Variants in TMEM39A observed in about 807,000 individuals in gnomAD.
TMEM39A encodes suppressor of SQST-1 aggregates in rpl-43 mutants.
In TMEM39A, 19 loss-of-function variants were observed where a neutral mutation model predicts 51.9. The ratio of observed to expected loss-of-function variants is 0.37; its 90% confidence interval spans 0.26 to 0.54. The LOEUF (loss-of-function observed/expected upper bound fraction) is 0.54. TMEM39A is among the 20% of genes least tolerant of loss of function. The pLI is 0.88. For missense variants in TMEM39A, 433 were observed against 590.5 expected (o/e 0.73, Z 2.76); for synonymous variants, 197 against 220.2 (o/e 0.89, Z 0.93).
At chr3:119,440,901 T>G (rs184990804) in intron 5 of TMEM39A, among the ~76,000 whole-genome samples, 4 of 152,286 alleles carry the variant, frequency 2.6e-5, no homozygotes, top group Admixed American at 2.6e-4. Flanking sequence ...TTTTCCAAAG[T>G]GCTCACTTTG....
At chr3:119,432,706 C>G (rs1423859679) in intron 8 of TMEM39A, among the ~76,000 whole-genome samples, 1 of 152,068 alleles carries the variant, frequency 6.6e-6, no homozygotes, top group Non-Finnish European at 1.5e-5. Flanking sequence ...CAACACTAGA[C>G]AAGTTTGGGG....
chr3:119,446,867 T>C, intron 5 of TMEM39A, 151 bp downstream of exon 5: 2 of 917,416 alleles, frequency 2.2e-6, no homozygotes, highest in East Asian at 5.4e-5. Context: ...GAAAACAAAT[T>C]ATATGTTCAC....
chr3:119,443,087 A>C (rs11709523), intron 5 of TMEM39A, among the ~76,000 whole-genome samples: 20,711 of 133,098 alleles, frequency 0.16, 1,945 homozygotes, highest in East Asian at 0.27. Context: ...AAAAAAAAAA[A>C]GTGAAGCCTG....
At chr3:119,463,280 G>A (rs2081363839) in intron 1 of TMEM39A, 56 bp downstream of exon 1, 2 of 296,218 alleles carry the variant, frequency 6.8e-6, no homozygotes, top group African/African-American at 2.2e-5. Flanking sequence ...GCACACCCAA[G>A]AGGGCCGAGG....
chr3:119,433,385 A>C lies in TMEM39A; in HGVS notation c.1234-1171T>G, dbSNP rs369121873. 2.6e-5 allele frequency among the ~76,000 whole-genome samples: 4 copies of C among 152,260 alleles called. No individual in the cohort carries two copies. The South Asian group carries it at 6.2e-4, about 24-fold the overall frequency. ...TCAGAAGTCTGATATAGGGGCCCTG[A>C]ATCACTTTTTAAAAATAGTGGGCCA... On this transcript the variant is annotated intron_variant, in intron 8 of 8. Coordinates refer to ENST00000319172, the MANE Select transcript of TMEM39A (RefSeq NM_018266.3).
chr3:119,457,082 G>A (rs890264531), intron 3 of TMEM39A, among the ~76,000 whole-genome samples: 7 of 150,878 alleles, frequency 4.6e-5, no homozygotes, highest in South Asian at 4.2e-4. Context: ...GCCATTCTCC[G>A]GCCTCAGCCT....
chr3:119,460,019 C>T (rs142454458), intron 2 of TMEM39A, among the ~76,000 whole-genome samples: 28 of 152,150 alleles, frequency 1.8e-4, no homozygotes, highest in African/African-American at 6.7e-4. Flanking sequence ...CAGCTGCTTG[C>T]TTCCCACCAA....
At position 119,436,993 on chromosome 3, in the gene TMEM39A, A is replaced by G. The variant is rs182283949; in HGVS notation, c.925-15T>C. The G allele has an allele frequency of 2.4e-5, 39 of 1,603,162 alleles. No homozygotes were observed. In the Admixed American group the frequency reaches 3.2e-4, roughly 13 times the overall value. On this transcript the variant is annotated splice_polypyrimidine_tract_variant and intron_variant, in intron 6 of 8. Coordinates refer to ENST00000319172, the MANE Select transcript of TMEM39A (RefSeq NM_018266.3). ...TACTGGGTACTCTGGAAGAGATCAG[A>G]AGAGAGAGAAATGATCCATGCACTG...
intron 5 of TMEM39A, among the ~76,000 whole-genome samples, chr3:119,438,858 C>T (rs1211194769): frequency 6.6e-6 from 1 of 152,164 alleles, no homozygotes; most frequent in Non-Finnish European, 1.5e-5. Flanking sequence ...TTTTTCTCCA[C>T]AGATCTTACC....
Position 119,447,144 on chromosome 3 carries a change from A to G in TMEM39A, c.449T>C (p.Ile150Thr), listed in dbSNP as rs1427382434. 2 of 1,613,850 alleles carry G rather than the reference A, an allele frequency of 1.2e-6. No homozygotes were observed. The highest frequency in any genetic ancestry group is 2.7e-5 in the African/African-American group (2 of 74,924). Residue 150 changes from isoleucine to threonine, a missense_variant, in exon 5 of 9, where the codon ATT becomes ACT. Physicochemically the swap from Ile to Thr is moderately conservative, Grantham distance 89. Coordinates refer to ENST00000319172, the MANE Select transcript of TMEM39A (RefSeq NM_018266.3). ...AGCTGATATCAGAACCATGTAGTGA[A>G]TCATTGATGCTGCACCTGCCTTAGT... ...EATKAGAASM[I>T]HYMVLISARL... is the part of the protein sequence containing the mutation.
intron 8 of TMEM39A, among the ~76,000 whole-genome samples, chr3:119,434,159 TACAG>T (rs2080937413): frequency 1.3e-5 from 2 of 152,180 alleles, no homozygotes; most frequent in African/African-American, 4.8e-5. Flanking sequence ...TTTTGCCTTG[TACAG>T]ACAATTTCTG....
intron 2 of TMEM39A, 101 bp from the exon 3 acceptor site, chr3:119,458,341 G>A (rs2081293301): frequency 1.1e-6 from 1 of 951,532 alleles, no homozygotes; most frequent in Non-Finnish European, 1.6e-6. Flanking sequence ...TTCACTGTCT[G>A]CTTTCCCCAC....
rs1323262429 is a variant in TMEM39A, at chr3:119,452,464, A to G, written c.403T>C (p.Trp135Arg). 3 of 1,613,790 alleles carry G rather than the reference A, an allele frequency of 1.9e-6. No individual in the cohort carries two copies. The highest frequency in any genetic ancestry group is 1.7e-5 in the Admixed American group (1 of 60,024). Reference protein sequence around the residue: ...ITVMLARRLVWALISEATKAG... With the variant: ...ITVMLARRLVRALISEATKAG... The stretch of plus-strand genomic sequence containing the variant: ...ACTGTTACCTCTGAGATGAGAGCCC[A>G]TACAAGCCTCCTCGCAAGCATCACT... Residue 135 changes from tryptophan to arginine, a missense_variant, in exon 4 of 9, where the codon TGG becomes CGG. Transcript: ENST00000319172.
In TMEM39A at chr3:119,437,669, G is replaced by A; in HGVS notation, c.924+86C>T. 4.3e-6 allele frequency: 5 copies of A among 1,152,336 alleles called. No homozygotes were observed. The Admixed American group carries it at 1.2e-4, about 28-fold the overall frequency. 71.4% of individuals were successfully genotyped at this position (1,152,336 alleles called of 1,614,324 possible). A position where few individuals can be genotyped will look rare whatever the true frequency, so the allele number is the denominator to read the frequency against. On this transcript the variant is annotated intron_variant, in intron 6 of 8. Transcript: ENST00000319172. Reference sequence around the variant, plus strand: ...TCCAGGCTGCCAAAGGGGAGACAGAGAAAAGGGGGATTAAACAAGAAATAC... The same window carrying A: ...TCCAGGCTGCCAAAGGGGAGACAGAAAAAAGGGGGATTAAACAAGAAATAC...
chr3:119,458,941 A>G (rs2081301678), intron 2 of TMEM39A, among the ~76,000 whole-genome samples: 1 of 152,216 alleles, frequency 6.6e-6, no homozygotes, highest in African/African-American at 2.4e-5. Context: ...TTAAGAATCT[A>G]TTCAGAACCC....
chr3:119,451,286 G>T (rs2081195127), intron 4 of TMEM39A: 3 of 1,288,030 alleles, frequency 2.3e-6, no homozygotes, highest in South Asian at 2.5e-5. Context: ...CAGAAATAGG[G>T]TTCCTGAAAA....
At chr3:119,448,498 T>C (rs1055250593) in intron 4 of TMEM39A, among the ~76,000 whole-genome samples, 1 of 152,206 alleles carries the variant, frequency 6.6e-6, no homozygotes. Context: ...ATACGCAATA[T>C]ACTGTATACT....
chr3:119,449,855 G>C (rs1260351449), intron 4 of TMEM39A, among the ~76,000 whole-genome samples: 3 of 152,154 alleles, frequency 2.0e-5, no homozygotes, highest in Non-Finnish European at 4.4e-5. Context: ...TGAACAGGCA[G>C]AGCTGGCCTG....
At chr3:119,434,211 T>C (rs2080938143) in intron 8 of TMEM39A, among the ~76,000 whole-genome samples, 1 of 152,210 alleles carries the variant, frequency 6.6e-6, no homozygotes, top group South Asian at 2.1e-4. Flanking sequence ...ACCGAAGGCA[T>C]GAGTTCAATG....
Sources: gnomAD v4.1 joint callset for allele counts (sites outside exome capture counted in the v4.1 genomes callset) on GRCh38, gnomAD v4.1.1 for gene constraint, MANE v1.5 for transcripts, NCBI Gene and HGNC (gene_info 2026-07-23, HGNC 2026-07-21) for gene names.